Variants in PRDM16 observed in about 807,000 individuals in gnomAD.
PRDM16 encodes the protein histone-lysine N-methyltransferase PRDM16.
Under a neutral mutation model 110.6 loss-of-function variants are expected in PRDM16, and 23 were observed. That is an observed-to-expected ratio of 0.21 (90% CI 0.15 to 0.29). PRDM16 has a LOEUF of 0.29. PRDM16 is among the 10% of genes least tolerant of loss of function. The pLI is 1.00. For missense variants in PRDM16, 1,615 were observed against 1,794.3 expected, an observed-to-expected ratio of 0.90 and a Z score of 1.81; for synonymous variants, 799 against 781.8, an observed-to-expected ratio of 1.02 and a Z score of -0.37.
chr1:3,382,466 C>G lies in PRDM16; in HGVS notation c.439-2686C>G, dbSNP rs1332320404. 6.6e-6 allele frequency among the ~76,000 whole-genome samples: 1 copy of G among 152,222 alleles called. No homozygotes were observed. The highest frequency in any genetic ancestry group is 1.5e-5 in the Non-Finnish European group (1 of 68,042). On this transcript the variant is annotated intron_variant, in intron 3 of 16. Coordinates refer to ENST00000270722, the MANE Select transcript of PRDM16 (RefSeq NM_022114.4). This position sits in a 1 kb window ranked among gnomAD's most constrained non-coding sequence, Gnocchi z 6.6. ...AGTCCTGCCTGGGGCACAGCTGTGTCTGCAGAAGCTGGTAACACAGAGGCT... is the reference window on the plus strand; with the variant it reads ...AGTCCTGCCTGGGGCACAGCTGTGTGTGCAGAAGCTGGTAACACAGAGGCT...
At chr1:3,301,015 A>G (rs1027261072) in intron 3 of PRDM16, among the ~76,000 whole-genome samples, 3 of 152,136 alleles carry the variant, frequency 2.0e-5, no homozygotes, top group African/African-American at 7.2e-5. Flanking sequence ...GACCCCACCA[A>G]ACCTGACATG....
intron 1 of PRDM16, among the ~76,000 whole-genome samples, chr1:3,126,794 A>G (rs6699733): frequency 0.047 from 7,226 of 152,306 alleles, 529 homozygotes; most frequent in African/African-American, 0.16. Flanking sequence ...CAGCACCTCG[A>G]AAAGGCAGAG....
At chr1:3,292,652 G>A (rs1207923553) in intron 3 of PRDM16, among the ~76,000 whole-genome samples, 2 of 152,208 alleles carry the variant, frequency 1.3e-5, no homozygotes, top group African/African-American at 4.8e-5. Flanking sequence ...TGAAGGGAAG[G>A]GCCAGATAGC....
At position 3,265,574 on chromosome 1, in the gene PRDM16, G is replaced by A. The variant is rs1005323993; in HGVS notation, c.438+21437G>A. ...TCCGAGGTTCATGGGAAGAGGAGAA[G>A]GGGTCGTCCTGGTGGGAGAGGGAGA... On this transcript the variant is annotated intron_variant, in intron 3 of 16. Coordinates refer to ENST00000270722, the MANE Select transcript of PRDM16 (RefSeq NM_022114.4). The surrounding 1 kb of genome is among the most constrained non-coding windows in gnomAD (Gnocchi z 4.5). Among the ~76,000 whole-genome samples, 2 of 152,096 alleles carry A rather than the reference G, an allele frequency of 1.3e-5. No individual in the cohort carries two copies. Among genetic ancestry groups the A allele is most frequent in the Admixed American group, 1.3e-4 (2 of 15,274 alleles).
chr1:3,218,853 C>T (rs1290194290), intron 2 of PRDM16, among the ~76,000 whole-genome samples: 4 of 152,336 alleles, frequency 2.6e-5, no homozygotes, highest in Middle Eastern at 3.4e-3. Flanking sequence ...TCAGAAATCC[C>T]GTAACCCAGC....
intron 1 of PRDM16, among the ~76,000 whole-genome samples, chr1:3,093,350 A>G (rs958299066): frequency 5.9e-5 from 9 of 152,214 alleles, no homozygotes; most frequent in Non-Finnish European, 1.2e-4. Context: ...TCTGCCCTCC[A>G]CATTTCTGTA....
intron 3 of PRDM16, among the ~76,000 whole-genome samples, chr1:3,331,167 A>G (rs888467713): frequency 5.3e-5 from 8 of 152,188 alleles, no homozygotes; most frequent in African/African-American, 1.9e-4. Context: ...CCTGGCCTCC[A>G]TACCTCCAGC....
At chr1:3,223,009 C>T (rs937505740) in intron 2 of PRDM16, among the ~76,000 whole-genome samples, 3 of 147,776 alleles carry the variant, frequency 2.0e-5, no homozygotes, top group African/African-American at 7.5e-5. Context: ...CATGAGCGTG[C>T]GTGGGGTAGC....
At chr1:3,426,585 A>C (rs1472719075) in intron 14 of PRDM16, among the ~76,000 whole-genome samples, 3 of 152,212 alleles carry the variant, frequency 2.0e-5, no homozygotes, top group Non-Finnish European at 2.9e-5. Context: ...AAAGATTTCC[A>C]AACCAAAATG....
At chr1:3,322,846 G>A (rs1174609442) in intron 3 of PRDM16, among the ~76,000 whole-genome samples, 2 of 152,206 alleles carry the variant, frequency 1.3e-5, no homozygotes, top group Non-Finnish European at 2.9e-5. Flanking sequence ...GGAGGGCAGT[G>A]GTGTCTTCTT....
intron 1 of PRDM16, among the ~76,000 whole-genome samples, chr1:3,168,617 C>T (rs1022475956): frequency 1.5e-4 from 20 of 134,036 alleles, no homozygotes; most frequent in Non-Finnish European, 2.8e-4. Flanking sequence ...TGGTTTAGAT[C>T]AGACCGAAAT....
chr1:3,164,596 C>A (rs541773416), intron 1 of PRDM16, among the ~76,000 whole-genome samples: 1 of 152,196 alleles, frequency 6.6e-6, no homozygotes, highest in East Asian at 1.9e-4. Flanking sequence ...GTGTGTAGCC[C>A]GCTCGGTGTC....
At chr1:3,351,893 A>G (rs566277493) in intron 3 of PRDM16, among the ~76,000 whole-genome samples, 1 of 151,078 alleles carries the variant, frequency 6.6e-6, no homozygotes, top group African/African-American at 2.4e-5. Flanking sequence ...CTTGGTATGG[A>G]AGGGAGAGCT....
chr1:3,120,779 C>A (rs1223746056), intron 1 of PRDM16, among the ~76,000 whole-genome samples: 2 of 152,252 alleles, frequency 1.3e-5, no homozygotes, highest in South Asian at 2.1e-4. Context: ...GTCTGGGGAC[C>A]CGGATGGCAG....
intron 4 of PRDM16, among the ~76,000 whole-genome samples, chr1:3,392,240 A>T (rs1643311554): frequency 1.3e-5 from 2 of 152,258 alleles, no homozygotes; most frequent in African/African-American, 4.8e-5. Context: ...CTTGCACAGT[A>T]AACTCAGGCA....
chr1:3,293,232 G>A (rs1288650233), intron 3 of PRDM16, among the ~76,000 whole-genome samples: 1 of 152,204 alleles, frequency 6.6e-6, no homozygotes, highest in African/African-American at 2.4e-5. Context: ...TCGGGGCGAG[G>A]GGGCCCTCAG....
chr1:3,126,244 C>T (rs1176751755), intron 1 of PRDM16, among the ~76,000 whole-genome samples: 5 of 152,318 alleles, frequency 3.3e-5, no homozygotes, highest in African/African-American at 7.2e-5. Context: ...CTCTCGCCGC[C>T]GCCGCACGCG....
chr1:3,334,411 A>AT (rs959678485), intron 3 of PRDM16, among the ~76,000 whole-genome samples: 8 of 148,384 alleles, frequency 5.4e-5, no homozygotes, highest in Non-Finnish European at 1.0e-4. Flanking sequence ...ACCCCCCCAC[A>AT]TTCTCTGAAG....
intron 2 of PRDM16, chr1:3,238,146 A>C (rs1639580452): frequency 2.0e-5 from 3 of 152,304 alleles, no homozygotes; most frequent in Admixed American, 2.0e-4. Flanking sequence ...CGGGGTTCTC[A>C]TGCGGAACCC....
Sources: allele counts gnomAD v4.1 joint callset (sites outside exome capture counted in the v4.1 genomes callset), GRCh38; gene constraint gnomAD v4.1.1; non-coding constraint Gnocchi (gnomAD v3.1); transcripts MANE v1.5; gene names NCBI Gene and HGNC (gene_info 2026-07-23, HGNC 2026-07-21).